The following ZNF426 variants were observed in gnomAD, a reference collection of about 807,000 sequenced individuals.
The protein encoded by ZNF426 is zinc finger protein 426, also known as CTC-543D15.7.
Under a neutral mutation model 24.0 loss-of-function variants are expected in ZNF426, and 23 were observed. That is an observed-to-expected ratio of 0.96 (90% CI 0.69 to 1.36). The LOEUF is 1.36. Ranked by LOEUF, ZNF426 falls within the 40% of genes most tolerant of loss-of-function variation. The probability of loss-of-function intolerance (pLI) is 0.00; values close to 1 mark genes in which losing one functional copy is unlikely to be tolerated. For missense variants in ZNF426, 646 were observed against 658.4 expected, an observed-to-expected ratio of 0.98 and a Z score of 0.21; for synonymous variants, 272 against 224.6, an observed-to-expected ratio of 1.21 and a Z score of -1.89.
At position 9,528,848 on chromosome 19, in the gene ZNF426, T is replaced by C. The variant is rs1284751432; in HGVS notation, c.1197A>G (p.Lys399=). The C allele has an allele frequency of 2.5e-6, 4 of 1,614,058 alleles. No individual in the cohort carries two copies. The highest frequency in any genetic ancestry group is 3.4e-6 in the Non-Finnish European group (4 of 1,180,030). ...EKPFVCVECG[K]AFAVSSNLSG... The stretch of plus-strand genomic sequence containing the variant: ...TAAGATTTGAGGAAACTGCAAAGGC[T>C]TTCCCACATTCAACACATACAAAAG... Residue 399 remains lysine (K), a synonymous_variant, in exon 8 of 8, where the codon AAA becomes AAG. Coordinates refer to ENST00000253115, the MANE Select transcript of ZNF426 (RefSeq NM_024106.3).
At position 9,526,990 on chromosome 19, in the gene ZNF426, T is replaced by C. The variant is rs1256345287; in HGVS notation, c.*1390A>G. On this transcript the variant is annotated 3_prime_UTR_variant, in exon 8 of 8. Transcript: ENST00000253115. ...GAAAAATAGCTACAATGTATTAGAT[T>C]ACATATGCTAATTTGTGTGTGTTTA... 1 of 152,206 alleles carries C rather than the reference T, an allele frequency of 6.6e-6. No homozygotes were observed. The highest frequency in any genetic ancestry group is 1.5e-5 in the Non-Finnish European group (1 of 68,030). 9.4% of individuals were successfully genotyped at this position (152,206 alleles called of 1,614,324 possible).
rs745336193 is a variant in ZNF426 at position 9,529,047 on chromosome 19, T to C, written c.998A>G (p.Glu333Gly). ...FQIHGRTHTG[E>G]KPYVCKECGK... is the part of the protein sequence containing the mutation. ...ACATTCCTTACATACATAGGGTTTCTCTCCAGTGTGAGTTCTTCCATGTAT... is the reference window on the plus strand; with the variant it reads ...ACATTCCTTACATACATAGGGTTTCCCTCCAGTGTGAGTTCTTCCATGTAT... The change falls in exon 8 of 8, where the codon GAG becomes GGG. Residue 333 changes from glutamate to glycine, a missense_variant. Coordinates refer to ENST00000253115, the MANE Select transcript of ZNF426 (RefSeq NM_024106.3). 3.1e-6 allele frequency: 5 copies of C among 1,613,636 alleles called. No individual in the cohort carries two copies. The highest frequency in any genetic ancestry group is 4.2e-6 in the Non-Finnish European group (5 of 1,179,816).
At chr19:9,533,988 G>T in intron 4 of ZNF426, 22 bp from the exon 5 acceptor site, 1 of 1,608,620 alleles carries the variant, frequency 6.2e-7, no homozygotes. Context: ...CACACATGCT[G>T]GTTGGAGCCA....
chr19:9,535,976 T>A (rs2073959536), intron 3 of ZNF426, among the ~76,000 whole-genome samples: 1 of 152,076 alleles, frequency 6.6e-6, no homozygotes, highest in African/African-American at 2.4e-5. Flanking sequence ...TAAGGAAACA[T>A]ATACCCAGAG....
rs756443361 is a variant in ZNF426, at chr19:9,529,646, GGAT to G, written c.409-13_409-11del. ...CATTGTGTTTTCCTTCCTGTTGAAG[GGAT>G]GATGATGATTTAAGGATTTTTCTCA... On this transcript the variant is annotated splice_polypyrimidine_tract_variant and intron_variant, in intron 7 of 7. Coordinates refer to ENST00000253115, the MANE Select transcript of ZNF426 (RefSeq NM_024106.3). 1.3e-6 allele frequency: 2 copies of G among 1,569,088 alleles called. No individual in the cohort carries two copies. The highest frequency in any genetic ancestry group is 1.9e-5 in the Admixed American group (1 of 52,152).
intron 3 of ZNF426, among the ~76,000 whole-genome samples, chr19:9,535,628 T>A (rs556189858): frequency 6.6e-6 from 1 of 152,168 alleles, no homozygotes; most frequent in African/African-American, 2.4e-5. Context: ...AGTTCGAGAC[T>A]ACCCTGGACA....
At chr19:9,537,652 TCTC>T (rs960268287) in intron 2 of ZNF426, among the ~76,000 whole-genome samples, 1 of 151,672 alleles carries the variant, frequency 6.6e-6, no homozygotes, top group Non-Finnish European at 1.5e-5. Flanking sequence ...ATCCTTCGTT[TCTC>T]TTTTTTTTCT....
At chr19:9,529,876 T>C (rs987857550) in intron 7 of ZNF426, among the ~76,000 whole-genome samples, 2 of 152,096 alleles carry the variant, frequency 1.3e-5, no homozygotes, top group East Asian at 1.9e-4. Flanking sequence ...TCCCAGCACT[T>C]TGGGAGTCCG....
At chr19:9,534,070 C>T in intron 4 of ZNF426, 104 bp from the exon 5 acceptor site, 5 of 1,488,598 alleles carry the variant, frequency 3.4e-6, no homozygotes, top group Non-Finnish European at 4.5e-6. Flanking sequence ...ATTCCAAGGG[C>T]TGCAGTGACC....
chr19:9,534,745 C>A (rs1460635957), intron 4 of ZNF426, among the ~76,000 whole-genome samples: 1 of 152,090 alleles, frequency 6.6e-6, no homozygotes, highest in Non-Finnish European at 1.5e-5. Context: ...CAGTCATGTA[C>A]CACTTTGCCC....
At position 9,536,210 on chromosome 19, in the gene ZNF426, T is replaced by A; in HGVS notation, c.23A>T (p.His8Leu). MAAADLS[H>L]GHYLSGDPVC... is the part of the protein sequence containing the mutation. ...CTAAAAAGAGCAACAGAGCTTACCA[T>A]GGGACAAATCAGCAGCTGCCATCCC... is the stretch of plus-strand genomic sequence containing the variant. Residue 8 changes from histidine (H) to leucine (L), a missense_variant and splice_region_variant, in exon 3 of 8, where the codon CAT becomes CTT. Transcript: ENST00000253115. The A allele has an allele frequency of 6.8e-6, 11 of 1,614,160 alleles. No individual in the cohort carries two copies. The highest frequency in any genetic ancestry group is 9.3e-6 in the Non-Finnish European group (11 of 1,180,036).
chr19:9,532,079 T>C (rs2073893121), intron 6 of ZNF426, among the ~76,000 whole-genome samples: 1 of 152,124 alleles, frequency 6.6e-6, no homozygotes, highest in African/African-American at 2.4e-5. Flanking sequence ...TTCTGAACCC[T>C]GTACATACTA....
In ZNF426 at chr19:9,535,092, A is replaced by G. The variant is rs573818825; in HGVS notation, c.117+96T>C. ...GACTCCCTCTCAAAAAAAAAAAAAA[A>G]AAAAGAAGTCTGGAGACAACTCTGC... On this transcript the variant is annotated intron_variant, in intron 4 of 7. Transcript: ENST00000253115. 5.6e-5 allele frequency: 54 copies of G among 971,672 alleles called. No individual in the cohort carries two copies. The African/African-American group carries it at 6.9e-4, about 13-fold the overall frequency. 60.2% of individuals were successfully genotyped at this position (971,672 alleles called of 1,614,324 possible).
At chr19:9,535,015 C>T (rs1405862595) in intron 4 of ZNF426, among the ~76,000 whole-genome samples, 173 bp downstream of exon 4, 1 of 148,578 alleles carries the variant, frequency 6.7e-6, no homozygotes, top group Non-Finnish European at 1.5e-5. Context: ...GAGACCGGAG[C>T]TTGCAGTGAG....
In ZNF426 at chr19:9,524,676, G is replaced by A. The variant is rs1259202603; in HGVS notation, c.*3704C>T. The A allele has an allele frequency of 6.6e-6, 1 of 150,808 alleles. No individual in the cohort carries two copies. Among genetic ancestry groups the A allele is most frequent in the Non-Finnish European group, 1.5e-5 (1 of 67,912 alleles). The allele number at this position is 150,808 out of a possible 1,614,324, so 9.3% of individuals were successfully genotyped here. On this transcript the variant is annotated 3_prime_UTR_variant, in exon 8 of 8. Coordinates refer to ENST00000253115, the MANE Select transcript of ZNF426 (RefSeq NM_024106.3). ...CATGCCTGTAATCCCAGCTACTTGG[G>A]AGGCTGAGGCAGAATAATCACTTGA...
chr19:9,533,053 C>T (rs2073911112), intron 5 of ZNF426, 128 bp from the exon 6 acceptor site: 2 of 749,422 alleles, frequency 2.7e-6, no homozygotes, highest in Non-Finnish European at 4.5e-6. Context: ...ATGCAAATAA[C>T]AACTCTGACT....
At position 9,529,453 on chromosome 19, in the gene ZNF426, CA is replaced by C; in HGVS notation, c.591del (p.Glu198SerfsTer11). 6.2e-7 allele frequency: 1 copy of C among 1,613,944 alleles called. No homozygotes were observed. The highest frequency in any genetic ancestry group is 8.5e-7 in the Non-Finnish European group (1 of 1,179,972). Reference protein sequence around the residue: ...CEKTSTGEKLSEFNQSEKIFS... With the variant: ...CEKTSTGEKLXEFNQSEKIFS... ...AAGATTTTTTCACTCTGATTAAACT[CA>C]GAAAGTTTCTCACCAGTAGAGGTTT... is the stretch of plus-strand genomic sequence containing the variant. On this transcript the variant is annotated frameshift_variant, in exon 8 of 8. Transcript: ENST00000253115. LOFTEE classifies it low-confidence loss of function (END_TRUNC).
chr19:9,530,835 T>G, intron 7 of ZNF426, 150 bp downstream of exon 7: 1 of 623,916 alleles, frequency 1.6e-6, no homozygotes, highest in Non-Finnish European at 2.8e-6. Flanking sequence ...AAGAAACAAG[T>G]TTCACAATTG....
At chr19:9,537,488 C>G (rs373864845) in intron 2 of ZNF426, among the ~76,000 whole-genome samples, 2 of 140,298 alleles carry the variant, frequency 1.4e-5, no homozygotes, top group African/African-American at 5.6e-5. Flanking sequence ...TGGAGTCTTG[C>G]TATGTTGCCC....
Sources: gnomAD v4.1 joint callset for allele counts (sites outside exome capture counted in the v4.1 genomes callset) on GRCh38, gnomAD v4.1.1 for gene constraint, MANE v1.5 for transcripts, NCBI Gene and HGNC (gene_info 2026-07-23, HGNC 2026-07-21) for gene names.